Variants in SYCP2L observed in about 807,000 individuals in gnomAD.
SYCP2L encodes synaptonemal complex protein 2 like.
Under a neutral mutation model 125.8 loss-of-function variants are expected in SYCP2L, and 98 were observed. That is an observed-to-expected ratio of 0.78 (90% CI 0.66 to 0.92). SYCP2L has a LOEUF of 0.92. SYCP2L is among the 40% of genes least tolerant of loss of function. The pLI is 0.00. For missense variants in SYCP2L, 842 were observed against 936.4 expected (o/e 0.90, Z 1.32); for synonymous variants, 317 against 325.4 (o/e 0.97, Z 0.28).
At chr6:10,958,990 A>T in intron 26 of SYCP2L, 115 bp downstream of exon 26, 1 of 821,132 alleles carries the variant, frequency 1.2e-6, no homozygotes, top group Non-Finnish European at 2.0e-6. Context: ...AGATGTGAGG[A>T]TTGATACATC....
intron 4 of SYCP2L, among the ~76,000 whole-genome samples, chr6:10,894,572 G>A (rs574412392): frequency 4.6e-5 from 7 of 152,220 alleles, no homozygotes; most frequent in Middle Eastern, 3.4e-3. Flanking sequence ...AAAAATGATC[G>A]TCAAAAACTT....
chr6:10,963,907 T>G, intron 29 of SYCP2L, 64 bp downstream of exon 29: 8 of 1,216,996 alleles, frequency 6.6e-6, no homozygotes, highest in South Asian at 1.3e-5. Context: ...GAGCAAGCTC[T>G]AAAAGATACT....
chr6:10,911,894 C>CTTTTTTTTTTTTTTTTTTTTTTTTT (rs58800098), intron 12 of SYCP2L, among the ~76,000 whole-genome samples: 3 of 50,020 alleles, frequency 6.0e-5, no homozygotes, highest in Non-Finnish European at 1.1e-4. Context: ...GGAATAAAAG[C>CTTTTTTTTTTTTTTTTTTTTTTTTT]TTTTTTTTTT....
chr6:10,947,956 A>G (rs1168418642), intron 23 of SYCP2L, among the ~76,000 whole-genome samples: 3 of 152,160 alleles, frequency 2.0e-5, no homozygotes, highest in African/African-American at 4.8e-5. Context: ...AAAATCATAC[A>G]TAAGTATTGA....
At chr6:10,957,816 CTA>C (rs1781525619) in intron 25 of SYCP2L, among the ~76,000 whole-genome samples, 1 of 152,090 alleles carries the variant, frequency 6.6e-6, no homozygotes, top group Non-Finnish European at 1.5e-5. Flanking sequence ...GACCATGTCT[CTA>C]TTTTTTTTAA....
chr6:10,942,559 A>G, intron 22 of SYCP2L, 30 bp downstream of exon 22: 2 of 1,582,834 alleles, frequency 1.3e-6, no homozygotes, highest in Non-Finnish European at 1.7e-6. Flanking sequence ...TATTCATCTG[A>G]TTTTCCAGAA....
intron 9 of SYCP2L, among the ~76,000 whole-genome samples, chr6:10,906,973 A>G (rs1780508437): frequency 6.6e-6 from 1 of 152,052 alleles, no homozygotes; most frequent in African/African-American, 2.4e-5. Context: ...TATAACACCC[A>G]TAAATATTAT....
intron 23 of SYCP2L, among the ~76,000 whole-genome samples, chr6:10,946,675 C>T (rs1050303672): frequency 2.0e-5 from 3 of 151,896 alleles, no homozygotes; most frequent in African/African-American, 7.2e-5. Flanking sequence ...TCTATTCTTC[C>T]TGATGAAAAT....
intron 4 of SYCP2L, among the ~76,000 whole-genome samples, chr6:10,895,155 G>A (rs987288865): frequency 2.6e-5 from 4 of 152,172 alleles, no homozygotes; most frequent in Admixed American, 1.3e-4. Context: ...CTGTTGATAC[G>A]CCAACTTCTG....
At chr6:10,901,763 A>G (rs993712447) in intron 6 of SYCP2L, among the ~76,000 whole-genome samples, 3 of 152,216 alleles carry the variant, frequency 2.0e-5, no homozygotes, top group Non-Finnish European at 2.9e-5. Flanking sequence ...TTAACAGAGT[A>G]TCTAGTTCAA....
In SYCP2L at chr6:10,912,302, C is replaced by T. The variant is rs900983472; in HGVS notation, c.919-371C>T. 6.6e-6 allele frequency among the ~76,000 whole-genome samples: 1 copy of T among 152,118 alleles called. No homozygotes were observed. Among genetic ancestry groups the T allele is most frequent in the Non-Finnish European group, 1.5e-5 (1 of 68,026 alleles). On this transcript the variant is annotated intron_variant, in intron 12 of 29. Coordinates refer to ENST00000283141, the MANE Select transcript of SYCP2L (RefSeq NM_001040274.3). This position sits in a 1 kb window ranked among gnomAD's most constrained non-coding sequence, Gnocchi z 4.1. The stretch of plus-strand genomic sequence containing the variant: ...ATGGCAAATCACTCATGTTTGGTTA[C>T]AGTATCTCCTTCTCCAGAAGTTTCC...
Position 10,912,956 on chromosome 6 carries a change from T to C in SYCP2L, c.1072+29T>C. The C allele has an allele frequency of 6.3e-7, 1 of 1,599,144 alleles. No individual in the cohort carries two copies. ...ATATGATACATTTAAACAACCCACGTCCAGTTCCAAATATTATTTCTGTTG... is the reference window on the plus strand; with the variant it reads ...ATATGATACATTTAAACAACCCACGCCCAGTTCCAAATATTATTTCTGTTG... On this transcript the variant is annotated intron_variant, in intron 14 of 29. Transcript: ENST00000283141. This position sits in a 1 kb window ranked among gnomAD's most constrained non-coding sequence, Gnocchi z 4.1.
rs776567340 is a variant in SYCP2L at position 10,902,812 on chromosome 6, G to T, written c.552+50G>T. On this transcript the variant is annotated intron_variant, in intron 7 of 29. Coordinates refer to ENST00000283141, the MANE Select transcript of SYCP2L (RefSeq NM_001040274.3). The stretch of plus-strand genomic sequence containing the variant: ...TAATAGTGGTTCCAGAAACCTAAAA[G>T]AAGATCGTACATAGGTCTCTGTTTT... 3.1e-6 allele frequency: 5 copies of T among 1,610,502 alleles called. No individual in the cohort carries two copies. The South Asian group carries it at 5.5e-5, about 18-fold the overall frequency.
At position 10,907,671 on chromosome 6, in the gene SYCP2L, G is replaced by A. The variant is rs143568506; in HGVS notation, c.806G>A (p.Arg269Gln). 21 of 1,612,330 alleles carry A rather than the reference G, an allele frequency of 1.3e-5. No homozygotes were observed. The African/African-American group carries it at 1.7e-4, about 13-fold the overall frequency. ...IAEAFKEIKD[R>Q]EFETDSRRFL... ...GAAGCTTTCAAAGAAATTAAGGATCGAGAATTTGAGACGGTGAGATTCCTG... is the reference window on the plus strand; with the variant it reads ...GAAGCTTTCAAAGAAATTAAGGATCAAGAATTTGAGACGGTGAGATTCCTG... The change falls in exon 10 of 30, where the codon CGA becomes CAA. Residue 269 changes from arginine to glutamine, a missense_variant. Physicochemically the swap from Arg to Gln is conservative, Grantham distance 43. Coordinates refer to ENST00000283141, the MANE Select transcript of SYCP2L (RefSeq NM_001040274.3).
intron 9 of SYCP2L, among the ~76,000 whole-genome samples, chr6:10,906,806 C>T (rs1410277638): frequency 6.6e-6 from 1 of 151,514 alleles, no homozygotes; most frequent in Non-Finnish European, 1.5e-5. Flanking sequence ...ACCATGTTGG[C>T]CAGGCTGGTC....
At chr6:10,906,509 G>A (rs1345084959) in intron 9 of SYCP2L, among the ~76,000 whole-genome samples, 1 of 151,650 alleles carries the variant, frequency 6.6e-6, no homozygotes, top group Non-Finnish European at 1.5e-5. Flanking sequence ...CCTTAGAATT[G>A]TTTGAAATTT....
chr6:10,960,438 G>C (rs924193048), intron 26 of SYCP2L, among the ~76,000 whole-genome samples: 1 of 152,174 alleles, frequency 6.6e-6, no homozygotes. Context: ...TGCTTGGTAT[G>C]AGAGTGAGGT....
intron 29 of SYCP2L, among the ~76,000 whole-genome samples, chr6:10,964,749 A>G (rs551530161): frequency 2.0e-5 from 3 of 152,336 alleles, no homozygotes; most frequent in Admixed American, 2.0e-4. Context: ...AATGACAACA[A>G]GTGCTTTGAG....
At chr6:10,966,602 T>C (rs1021637794) in intron 29 of SYCP2L, among the ~76,000 whole-genome samples, 4 of 152,186 alleles carry the variant, frequency 2.6e-5, no homozygotes, top group Non-Finnish European at 5.9e-5. Context: ...GATTCTAATG[T>C]GTAAGGACAA....
Sources: gnomAD v4.1 joint callset for allele counts (sites outside exome capture counted in the v4.1 genomes callset) on GRCh38, gnomAD v4.1.1 for gene constraint, Gnocchi (gnomAD v3.1) non-coding constraint, MANE v1.5 for transcripts, NCBI Gene and HGNC (gene_info 2026-07-23, HGNC 2026-07-21) for gene names.